The following PLEKHA5 variants were observed in gnomAD, a reference collection of about 807,000 sequenced individuals.
The protein encoded by PLEKHA5 is pleckstrin homology domain-containing family A member 5.
PLEKHA5 carries 55 observed loss-of-function variants against 181.9 expected under a neutral mutation model. That is an observed-to-expected ratio of 0.30 (90% CI 0.24 to 0.38). PLEKHA5 has a LOEUF of 0.38. Ranked by LOEUF, PLEKHA5 falls within the 10% of genes least tolerant of loss-of-function variation. The pLI, the probability that PLEKHA5 is intolerant of heterozygous loss-of-function variation, is 1.00. For missense variants in PLEKHA5, 1,432 were observed against 1,549.5 expected, an observed-to-expected ratio of 0.92 and a Z score of 1.27; for synonymous variants, 535 against 529.4, an observed-to-expected ratio of 1.01 and a Z score of -0.15.
At chr12:19,229,701 G>A (rs2060193748) in intron 3 of PLEKHA5, among the ~76,000 whole-genome samples, 1 of 152,194 alleles carries the variant, frequency 6.6e-6, no homozygotes, top group Admixed American at 6.5e-5. Context: ...ACCCAAGCAG[G>A]TTGCCACTGC....
intron 28 of PLEKHA5, among the ~76,000 whole-genome samples, chr12:19,361,149 A>G (rs934015554): frequency 6.6e-6 from 1 of 152,098 alleles, no homozygotes; most frequent in African/African-American, 2.4e-5. Context: ...TTATCAGTAA[A>G]TATTTGATAG....
chr12:19,369,432 C>T (rs2095521092), intron 30 of PLEKHA5, among the ~76,000 whole-genome samples: 1 of 152,000 alleles, frequency 6.6e-6, no homozygotes, highest in Non-Finnish European at 1.5e-5. Flanking sequence ...ATAATCCCAA[C>T]ACTTCGGGAG....
intron 17 of PLEKHA5, 133 bp from the exon 18 acceptor site, chr12:19,320,429 A>G: frequency 2.0e-6 from 1 of 502,002 alleles, no homozygotes; most frequent in Admixed American, 3.7e-5. Context: ...TAAACTTCTA[A>G]AAGTGTAAGA....
chr12:19,150,124 A>G (rs2040024216), intron 3 of PLEKHA5: 1 of 152,246 alleles, frequency 6.6e-6, no homozygotes, highest in African/African-American at 2.4e-5. Context: ...ACTGCTGATC[A>G]TATATGTACT....
chr12:19,210,790 A>T (rs886665583), intron 3 of PLEKHA5, among the ~76,000 whole-genome samples: 4 of 152,192 alleles, frequency 2.6e-5, no homozygotes, highest in African/African-American at 9.7e-5. Context: ...AGAAGTAGAA[A>T]TTATAGAGCA....
At chr12:19,246,701 A>G (rs1781749680) in intron 3 of PLEKHA5, among the ~76,000 whole-genome samples, 1 of 151,878 alleles carries the variant, frequency 6.6e-6, no homozygotes, top group African/African-American at 2.4e-5. Context: ...AACTTCTAAT[A>G]AGGGTATTTT....
At chr12:19,344,222 G>A (rs1268243506) in intron 22 of PLEKHA5, among the ~76,000 whole-genome samples, 1 of 151,980 alleles carries the variant, frequency 6.6e-6, no homozygotes, top group Non-Finnish European at 1.5e-5. Flanking sequence ...TTCTGAACAG[G>A]CACTCTTAAC....
intron 3 of PLEKHA5, among the ~76,000 whole-genome samples, chr12:19,217,413 A>G (rs565090479): frequency 6.6e-6 from 1 of 152,318 alleles, no homozygotes; most frequent in East Asian, 1.9e-4. Flanking sequence ...AGGATGATAT[A>G]TGTGATAGGA....
chr12:19,244,554 A>T (rs2063292489), intron 3 of PLEKHA5, among the ~76,000 whole-genome samples: 1 of 152,234 alleles, frequency 6.6e-6, no homozygotes, highest in African/African-American at 2.4e-5. Flanking sequence ...TGGCAGAAGA[A>T]TTGCCAAATG....
At chr12:19,235,078 G>A (rs559416729) in intron 3 of PLEKHA5, among the ~76,000 whole-genome samples, 1 of 152,078 alleles carries the variant, frequency 6.6e-6, no homozygotes, top group African/African-American at 2.4e-5. Context: ...AACTAACAAA[G>A]CCTTCACTGA....
intron 3 of PLEKHA5, among the ~76,000 whole-genome samples, chr12:19,192,726 G>C (rs971226729): frequency 1.3e-5 from 2 of 151,976 alleles, no homozygotes; most frequent in Non-Finnish European, 2.9e-5. Flanking sequence ...AAAAAGAAAA[G>C]AATTTATTCT....
At chr12:19,344,094 G>C (rs183643742) in intron 22 of PLEKHA5, among the ~76,000 whole-genome samples, 101 of 152,076 alleles carry the variant, frequency 6.6e-4, no homozygotes, top group African/African-American at 2.3e-3. Flanking sequence ...TAATCTTATG[G>C]GACCACTGTC....
At chr12:19,359,070 A>G (rs1205978606) in intron 27 of PLEKHA5, among the ~76,000 whole-genome samples, 1 of 152,238 alleles carries the variant, frequency 6.6e-6, no homozygotes, top group African/African-American at 2.4e-5. Context: ...CTATAATGGC[A>G]TAAACTGAAT....
intron 3 of PLEKHA5, chr12:19,176,468 G>A (rs2047258715): frequency 6.6e-6 from 1 of 151,896 alleles, no homozygotes; most frequent in Non-Finnish European, 1.5e-5. Context: ...TATTGATGCT[G>A]AACTTAGTAC....
At chr12:19,354,901 T>C (rs2094843024) in intron 26 of PLEKHA5, among the ~76,000 whole-genome samples, 1 of 152,198 alleles carries the variant, frequency 6.6e-6, no homozygotes, top group African/African-American at 2.4e-5. Context: ...TTGTAGAATC[T>C]ATTCTCTAAT....
chr12:19,266,302 T>TAAAACAAAAC (rs1326504659), intron 8 of PLEKHA5, among the ~76,000 whole-genome samples: 4 of 149,064 alleles, frequency 2.7e-5, no homozygotes, highest in Admixed American at 6.7e-5. Flanking sequence ...ACCCTGTCTC[T>TAAAACAAAAC]AAAACAAAAC....
chr12:19,358,544 C>T, intron 27 of PLEKHA5, 107 bp downstream of exon 27: 7 of 656,374 alleles, frequency 1.1e-5, no homozygotes, highest in Middle Eastern at 4.1e-4. Flanking sequence ...AGTATGGATA[C>T]TTATTTTATA....
At chr12:19,281,102 G>A (rs2076025752) in intron 11 of PLEKHA5, among the ~76,000 whole-genome samples, 1 of 152,038 alleles carries the variant, frequency 6.6e-6, no homozygotes, top group African/African-American at 2.4e-5. Context: ...CACACATGGT[G>A]GCATATATCT....
intron 30 of PLEKHA5, among the ~76,000 whole-genome samples, chr12:19,368,488 C>G (rs924987883): frequency 6.6e-6 from 1 of 150,954 alleles, no homozygotes; most frequent in Non-Finnish European, 1.5e-5. Flanking sequence ...AGAGCAAGAC[C>G]CTGTCTCAAA....
Sources: allele counts gnomAD v4.1 joint callset (sites outside exome capture counted in the v4.1 genomes callset), GRCh38; gene constraint gnomAD v4.1.1; transcripts MANE v1.5; gene names NCBI Gene and HGNC (gene_info 2026-07-23, HGNC 2026-07-21).